Variants in PDE4D observed in about 807,000 individuals in gnomAD.
PDE4D encodes the protein phosphodiesterase 4D.
PDE4D carries 24 observed loss-of-function variants against 87.4 expected under a neutral mutation model. The ratio of observed to expected loss-of-function variants is 0.27; its 90% CI spans 0.20 to 0.39. The LOEUF is 0.39. Ranked by LOEUF, PDE4D falls within the 10% of genes least tolerant of loss-of-function variation. The pLI, the probability that PDE4D is intolerant of heterozygous loss-of-function variation, is 1.00. For synonymous variants in PDE4D, 384 were observed against 383.2 expected (o/e 1.00, Z -0.02); for missense variants, 714 against 1,041.0 (o/e 0.69, Z 4.32).
chr5:60,113,657 A>T (rs1031367723), intron 2 of PDE4D, among the ~76,000 whole-genome samples: 3 of 152,088 alleles, frequency 2.0e-5, no homozygotes, highest in Admixed American at 2.0e-4. Context: ...CTCCTGATAG[A>T]AGGTCAGTTC....
At chr5:59,892,597 C>G (rs933861857) in intron 1 of PDE4D, among the ~76,000 whole-genome samples, 1 of 152,258 alleles carries the variant, frequency 6.6e-6, no homozygotes, top group East Asian at 1.9e-4. Flanking sequence ...CAATTTACTT[C>G]TCCACCTGAC....
intron 1 of PDE4D, among the ~76,000 whole-genome samples, chr5:60,429,041 C>T (rs1185034373): frequency 1.3e-5 from 2 of 152,168 alleles, no homozygotes; most frequent in African/African-American, 2.4e-5. Context: ...TAATAGTTCT[C>T]CCATTCATTC....
intron 1 of PDE4D, among the ~76,000 whole-genome samples, chr5:59,480,458 C>T (rs1186322210): frequency 2.6e-5 from 4 of 152,054 alleles, no homozygotes; most frequent in Non-Finnish European, 4.4e-5. Flanking sequence ...AGATTACCTC[C>T]CTTATCTATT....
intron 1 of PDE4D, among the ~76,000 whole-genome samples, chr5:59,457,282 C>T (rs1485388145): frequency 6.6e-6 from 1 of 152,194 alleles, no homozygotes; most frequent in African/African-American, 2.4e-5. Context: ...GGCAAGACTT[C>T]CCACCAGCAA....
At chr5:59,867,955 G>A (rs542697405) in intron 1 of PDE4D, among the ~76,000 whole-genome samples, 1 of 152,294 alleles carries the variant, frequency 6.6e-6, no homozygotes, top group East Asian at 1.9e-4. Context: ...GGGTTTACTG[G>A]TCATGAGTAT....
intron 1 of PDE4D, among the ~76,000 whole-genome samples, chr5:60,495,534 T>C (rs1162472509): frequency 6.6e-6 from 1 of 152,218 alleles, no homozygotes; most frequent in African/African-American, 2.4e-5. Flanking sequence ...AGATAGTGCA[T>C]GCAGACTACT....
intron 2 of PDE4D, among the ~76,000 whole-genome samples, chr5:60,135,621 T>C (rs1057032974): frequency 6.6e-6 from 1 of 152,082 alleles, no homozygotes; most frequent in African/African-American, 2.4e-5. Flanking sequence ...ACAGAGCAAA[T>C]GCATTTGTAG....
At chr5:59,853,301 T>C (rs763638595) in intron 1 of PDE4D, among the ~76,000 whole-genome samples, 22 of 152,180 alleles carry the variant, frequency 1.4e-4, no homozygotes, top group South Asian at 4.2e-4. Flanking sequence ...TAAAATTAGA[T>C]TGGAAATATA....
chr5:58,975,120 G>A lies in PDE4D; in HGVS notation c.2014-40C>T, dbSNP rs1743386523. ...AATCCAGTATGAGTAGAGGACTTGG[G>A]ACTAAGAAACAATGGAAAAGCTTAA... On this transcript the variant is annotated intron_variant, in intron 14 of 14. Coordinates refer to ENST00000340635, the MANE Select transcript of PDE4D (RefSeq NM_001104631.2). This position sits in a 1 kb window ranked among gnomAD's most constrained non-coding sequence, Gnocchi z 4.2. 8.0e-7 allele frequency: 1 copy of A among 1,255,638 alleles called. No homozygotes were observed. 77.8% of individuals were successfully genotyped at this position (1,255,638 alleles called of 1,614,324 possible).
At chr5:60,337,669 G>A (rs1327185841) in intron 1 of PDE4D, among the ~76,000 whole-genome samples, 2 of 151,720 alleles carry the variant, frequency 1.3e-5, no homozygotes, top group Admixed American at 6.6e-5. Flanking sequence ...GGTATCAGAC[G>A]GCCCTCACAC....
rs59553713 is a variant in PDE4D at position 59,413,453 on chromosome 5, A to G, written c.456-197485T>C. 5.6e-5 allele frequency among the ~76,000 whole-genome samples: 6 copies of G among 107,396 alleles called. No individual in the cohort carries two copies. The East Asian group carries it at 1.7e-3, about 30-fold the overall frequency. 70.5% of individuals were successfully genotyped at this position (107,396 alleles called of 152,430 possible). ...AGCCTGGGTGACTGAGTGAGACTCC[A>G]TCTCAAAAAAAAAAAAAAAAAAAAA... On this transcript the variant is annotated intron_variant, in intron 1 of 14. Transcript: ENST00000340635.
At chr5:60,210,602 A>G (rs896538618) in intron 1 of PDE4D, among the ~76,000 whole-genome samples, 3 of 152,152 alleles carry the variant, frequency 2.0e-5, no homozygotes, top group African/African-American at 2.4e-5. Flanking sequence ...TCTCTGAAGT[A>G]AAAAAGGATA....
chr5:60,339,564 G>T (rs954212085), intron 1 of PDE4D, among the ~76,000 whole-genome samples: 2 of 152,160 alleles, frequency 1.3e-5, no homozygotes, highest in Admixed American at 1.3e-4. Context: ...ACCACAAAAA[G>T]CCAAACTTGA....
chr5:59,826,084 G>A (rs775884883), intron 1 of PDE4D, among the ~76,000 whole-genome samples: 1 of 152,162 alleles, frequency 6.6e-6, no homozygotes, highest in Non-Finnish European at 1.5e-5. Context: ...GAGTGACTCA[G>A]GGTGGAAAGA....
chr5:60,134,874 G>C (rs914058670), intron 2 of PDE4D, among the ~76,000 whole-genome samples: 10 of 152,170 alleles, frequency 6.6e-5, no homozygotes, highest in Non-Finnish European at 1.5e-4. Flanking sequence ...CAAGTGTACT[G>C]AGAAGGCATT....
chr5:59,513,787 T>C (rs1810682194), intron 1 of PDE4D, among the ~76,000 whole-genome samples: 1 of 152,202 alleles, frequency 6.6e-6, no homozygotes, highest in South Asian at 2.1e-4. Context: ...ACACGCTTCA[T>C]TGTGGACCAC....
intron 5 of PDE4D, among the ~76,000 whole-genome samples, chr5:59,144,179 T>C (rs1275495390): frequency 2.6e-5 from 4 of 152,200 alleles, no homozygotes; most frequent in Non-Finnish European, 5.9e-5. Context: ...TGTCCTTAAC[T>C]AAGGCAGTCA....
At chr5:59,017,968 T>C (rs1269768225) in intron 6 of PDE4D, among the ~76,000 whole-genome samples, 1 of 152,126 alleles carries the variant, frequency 6.6e-6, no homozygotes, top group Non-Finnish European at 1.5e-5. Context: ...TTCATGTGAG[T>C]TCGAATCTTG....
At chr5:58,976,312 G>GACACAC in intron 13 of PDE4D, 38 bp downstream of exon 13, 2 of 1,563,562 alleles carry the variant, frequency 1.3e-6, no homozygotes, top group Non-Finnish European at 1.7e-6. Flanking sequence ...CATGTGCACA[G>GACACAC]ACACACACAC....
Sources: allele counts gnomAD v4.1 joint callset (sites outside exome capture counted in the v4.1 genomes callset), GRCh38; gene constraint gnomAD v4.1.1; non-coding constraint Gnocchi (gnomAD v3.1); transcripts MANE v1.5; gene names NCBI Gene and HGNC (gene_info 2026-07-23, HGNC 2026-07-21).